The following KIF1A variants were observed in gnomAD, a reference collection of about 807,000 sequenced individuals.
The protein encoded by KIF1A is kinesin family member 1A, also known as kinesin-like protein KIF1A.
Under a neutral mutation model 227.3 loss-of-function variants are expected in KIF1A, and 46 were observed. The ratio of observed to expected loss-of-function variants is 0.20; its 90% CI spans 0.16 to 0.26. KIF1A has a LOEUF of 0.26. KIF1A is among the 10% of genes least tolerant of loss of function. The pLI is 1.00. For synonymous variants in KIF1A, 1,022 were observed against 1,012.8 expected (o/e 1.01, Z -0.17); for missense variants, 1,683 against 2,485.9 (o/e 0.68, Z 6.87).
chr2:240,815,726 G>A (rs2058268392), intron 1 of KIF1A, among the ~76,000 whole-genome samples: 1 of 152,174 alleles, frequency 6.6e-6, no homozygotes, highest in South Asian at 2.1e-4. Context: ...AGGAGAAAGT[G>A]GAGGGATGAG....
At chr2:240,720,640 C>G (rs1047294552) in intron 45 of KIF1A, 5 of 313,452 alleles carry the variant, frequency 1.6e-5, no homozygotes, top group Admixed American at 1.3e-4. Context: ...AGCACTGTCT[C>G]AGGAAAGGGG....
rs55815321 is a variant in KIF1A at position 240,766,749 on chromosome 2, T to TCACACACACACA, written c.1684+154_1684+165dup. Among the ~76,000 whole-genome samples, 29 of 109,002 alleles carry TCACACACACACA rather than the reference T, an allele frequency of 2.7e-4. No homozygotes were observed. Among genetic ancestry groups the TCACACACACACA allele is most frequent in the Admixed American group, 4.6e-4 (5 of 10,910 alleles). The allele number at this position is 109,002 out of a possible 152,430, so 71.5% of individuals were successfully genotyped here. On this transcript the variant is annotated intron_variant, in intron 19 of 48. Transcript: ENST00000498729. This position sits in a 1 kb window ranked among gnomAD's most constrained non-coding sequence, Gnocchi z 5.0. Reference sequence around the variant, plus strand: ...CTCTCTCTCTCTCTCTCTCTCTCTCTCACACACACACACACACACACACAC... The same window carrying TCACACACACACA: ...CTCTCTCTCTCTCTCTCTCTCTCTCTCACACACACACACACACACACACACACACACACACAC...
At chr2:240,770,796 G>A (rs1208887124) in intron 15 of KIF1A, among the ~76,000 whole-genome samples, 175 bp downstream of exon 15, 1 of 152,170 alleles carries the variant, frequency 6.6e-6, no homozygotes, top group Non-Finnish European at 1.5e-5. Context: ...GCTGTGGGTG[G>A]TCTGGAGATA....
chr2:240,745,181 C>T (rs889866578), intron 32 of KIF1A, among the ~76,000 whole-genome samples: 22 of 152,170 alleles, frequency 1.4e-4, no homozygotes, highest in African/African-American at 4.8e-4. Flanking sequence ...TCCCCATCGG[C>T]TCTATGCTCA....
At chr2:240,812,388 G>C (rs957514412) in intron 1 of KIF1A, among the ~76,000 whole-genome samples, 1 of 152,214 alleles carries the variant, frequency 6.6e-6, no homozygotes. Context: ...CCAGCTGCTG[G>C]AGAGGCCCAT....
At chr2:240,797,578 C>T in intron 2 of KIF1A, 69 bp downstream of exon 2, 4 of 1,108,032 alleles carry the variant, frequency 3.6e-6, no homozygotes, top group Non-Finnish European at 5.4e-6. Flanking sequence ...TGAGCCTGGC[C>T]CATAGGCACA....
At chr2:240,814,015 T>C (rs568979225) in intron 1 of KIF1A, among the ~76,000 whole-genome samples, 5 of 151,828 alleles carry the variant, frequency 3.3e-5, no homozygotes, top group African/African-American at 1.2e-4. Context: ...AGAGATGAAG[T>C]ACAAGATTCC....
chr2:240,744,039 A>ACTT lies in KIF1A; in HGVS notation c.3484_3486dup (p.Lys1162dup). The ACTT allele has an allele frequency of 6.2e-7, 1 of 1,613,534 alleles. No homozygotes were observed. The highest frequency in any genetic ancestry group is 8.5e-7 in the Non-Finnish European group (1 of 1,179,578). ...TGGCTCTTGATGTACTCAATGAAGG[A>ACTT]CTTGGTCACCTCCACTGCGATCTGG... On this transcript the variant is annotated inframe_insertion, in exon 33 of 49. Coordinates refer to ENST00000498729, the MANE Select transcript of KIF1A (RefSeq NM_001244008.2).
At chr2:240,777,820 T>C (rs1042353011) in intron 10 of KIF1A, among the ~76,000 whole-genome samples, 3 of 152,218 alleles carry the variant, frequency 2.0e-5, no homozygotes, top group Non-Finnish European at 4.4e-5. Flanking sequence ...GCCTGGCTCC[T>C]CAACCAGTTC....
Position 240,725,162 on chromosome 2 carries a change from A to G in KIF1A, c.4256+109T>C, listed in dbSNP as rs950184908. 731 of 1,219,010 alleles carry G rather than the reference A, an allele frequency of 6.0e-4. 4 individuals carry two copies. Among genetic ancestry groups the G allele is most frequent in the Non-Finnish European group, 5.5e-5 (48 of 869,294 alleles). 75.5% of individuals were successfully genotyped at this position (1,219,010 alleles called of 1,614,324 possible). A position where few individuals can be genotyped will look rare whatever the true frequency, so the allele number is the denominator to read the frequency against. The stretch of plus-strand genomic sequence containing the variant: ...AGCCAGGAGTGTGGCTGGGCCTCGC[A>G]CAGGGTGAGCTGCCGGGTGGCCCAA... On this transcript the variant is annotated intron_variant, in intron 40 of 48. Transcript: ENST00000498729. This position sits in a 1 kb window ranked among gnomAD's most constrained non-coding sequence, Gnocchi z 5.8.
intron 1 of KIF1A, among the ~76,000 whole-genome samples, chr2:240,815,679 C>T (rs913124337): frequency 2.0e-5 from 3 of 152,076 alleles, no homozygotes; most frequent in Admixed American, 2.0e-4. Flanking sequence ...GTGCTGGCCC[C>T]CGTGGGGGTG....
At chr2:240,723,582 C>A in intron 41 of KIF1A, 24 bp from the exon 42 acceptor site, 1 of 1,518,192 alleles carries the variant, frequency 6.6e-7, no homozygotes, top group Non-Finnish European at 8.9e-7. Flanking sequence ...GTGGACATTC[C>A]ACCCCTACCT....
intron 23 of KIF1A, among the ~76,000 whole-genome samples, 176 bp from the exon 24 acceptor site, chr2:240,761,553 G>T (rs1165844229): frequency 6.6e-6 from 1 of 152,204 alleles, no homozygotes; most frequent in Non-Finnish European, 1.5e-5. Flanking sequence ...AGGCTGGAAG[G>T]TTACTCCCCC....
upstream of KIF1A, among the ~76,000 whole-genome samples, chr2:240,820,989 G>T (rs2058671341): frequency 6.6e-6 from 1 of 152,022 alleles, no homozygotes; most frequent in African/African-American, 2.4e-5. The surrounding 1 kb of genome is among the most constrained non-coding windows in gnomAD (Gnocchi z 6.2). Flanking sequence ...GCAAACCCCA[G>T]CCTGCGTCAC....
At chr2:240,761,119 C>A in intron 24 of KIF1A, 110 bp downstream of exon 24, 1 of 1,328,786 alleles carries the variant, frequency 7.5e-7, no homozygotes, top group Non-Finnish European at 1.0e-6. Flanking sequence ...GCTATGCCAC[C>A]CCCGGGGCCG....
In KIF1A at chr2:240,789,083, A is replaced by C. The variant is rs572758876; in HGVS notation, c.183+153T>G. Among the ~76,000 whole-genome samples, 1 of 152,302 alleles carries C rather than the reference A, an allele frequency of 6.6e-6. No individual in the cohort carries two copies. The highest frequency in any genetic ancestry group is 1.5e-5 in the Non-Finnish European group (1 of 68,014). Reference sequence around the variant, plus strand: ...GCAGCCTCCATCACTGCCTTCGCTGAGGACCGCTCAGGGTGACCTTCCAGG... The same window carrying C: ...GCAGCCTCCATCACTGCCTTCGCTGCGGACCGCTCAGGGTGACCTTCCAGG... On this transcript the variant is annotated intron_variant, in intron 3 of 48. Coordinates refer to ENST00000498729, the MANE Select transcript of KIF1A (RefSeq NM_001244008.2). The surrounding 1 kb of genome is among the most constrained non-coding windows in gnomAD (Gnocchi z 4.8).
chr2:240,754,781 C>A (rs149098512), intron 27 of KIF1A, among the ~76,000 whole-genome samples: 2 of 152,262 alleles, frequency 1.3e-5, no homozygotes, highest in South Asian at 2.1e-4. Flanking sequence ...GGCCGAGAGA[C>A]GCCATCCGCA....
chr2:240,746,633 C>T (rs971941267), intron 29 of KIF1A, among the ~76,000 whole-genome samples: 8 of 152,188 alleles, frequency 5.3e-5, no homozygotes, highest in South Asian at 4.1e-4. Context: ...GGTGACGGCA[C>T]GGCCAGGTGG....
intron 10 of KIF1A, chr2:240,781,688 A>G (rs554766319): frequency 3.4e-6 from 3 of 880,610 alleles, no homozygotes; most frequent in Admixed American, 1.2e-4. Context: ...CGTCTCCCGC[A>G]GTCCCACGCA....
Sources: allele counts gnomAD v4.1 joint callset (sites outside exome capture counted in the v4.1 genomes callset), GRCh38; gene constraint gnomAD v4.1.1; non-coding constraint Gnocchi (gnomAD v3.1); transcripts MANE v1.5; gene names NCBI Gene and HGNC (gene_info 2026-07-23, HGNC 2026-07-21).